Variants in FNDC3B observed in about 807,000 individuals in gnomAD.
FNDC3B encodes fibronectin type III domain containing 3B, also known as fibronectin type III domain-containing protein 3B.
In FNDC3B, 12 loss-of-function variants were observed where a neutral mutation model predicts 151.5. The ratio of observed to expected loss-of-function variants is 0.08; its 90% CI spans 0.05 to 0.13. The LOEUF is 0.13. Among genes scored for constraint, FNDC3B ranks in the 10% least tolerant of loss-of-function variants. FNDC3B has a pLI of 1.00. For synonymous variants in FNDC3B, 528 were observed against 549.0 expected, an observed-to-expected ratio of 0.96 and a Z score of 0.54; for missense variants, 1,214 against 1,505.3, an observed-to-expected ratio of 0.81 and a Z score of 3.20.
chr3:172,217,812 G>A (rs1726068831), intron 3 of FNDC3B, among the ~76,000 whole-genome samples: 1 of 152,060 alleles, frequency 6.6e-6, no homozygotes, highest in South Asian at 2.1e-4. Flanking sequence ...AAACAGCTAA[G>A]TAACAAAACA....
At chr3:172,392,112 C>T (rs1192395168) in intron 25 of FNDC3B, among the ~76,000 whole-genome samples, 1 of 152,148 alleles carries the variant, frequency 6.6e-6, no homozygotes, top group Non-Finnish European at 1.5e-5. Flanking sequence ...GCGGCAGTCA[C>T]CATAACAATG....
intron 3 of FNDC3B, among the ~76,000 whole-genome samples, chr3:172,141,852 A>C (rs1266532918): frequency 6.6e-6 from 1 of 151,102 alleles, no homozygotes; most frequent in Non-Finnish European, 1.5e-5. Context: ...CTGCGTCTCA[A>C]AAAAAAAAAA....
chr3:172,149,236 T>C (rs149820858), intron 3 of FNDC3B, among the ~76,000 whole-genome samples: 7 of 152,358 alleles, frequency 4.6e-5, no homozygotes, highest in East Asian at 3.9e-4. Flanking sequence ...TGAAAAGTCA[T>C]TGGACTTGAA....
intron 6 of FNDC3B, among the ~76,000 whole-genome samples, chr3:172,256,985 C>T (rs912757986): frequency 7.3e-5 from 11 of 151,110 alleles, no homozygotes; most frequent in South Asian, 4.2e-4. Context: ...GGCTGGAGTG[C>T]GGTGGCGCAA....
chr3:172,091,261 G>A (rs957345842), intron 1 of FNDC3B, among the ~76,000 whole-genome samples: 1 of 152,194 alleles, frequency 6.6e-6, no homozygotes, highest in Non-Finnish European at 1.5e-5. Flanking sequence ...ACCTGTCAGT[G>A]CTGTTGAAAG....
At chr3:172,102,872 C>T (rs1381213252) in intron 1 of FNDC3B, among the ~76,000 whole-genome samples, 1 of 152,226 alleles carries the variant, frequency 6.6e-6, no homozygotes, top group African/African-American at 2.4e-5. Flanking sequence ...CACTGTCTTA[C>T]AGAAACACAT....
intron 1 of FNDC3B, among the ~76,000 whole-genome samples, chr3:172,045,371 G>C (rs1716310308): frequency 1.3e-5 from 2 of 152,172 alleles, no homozygotes; most frequent in African/African-American, 4.8e-5. Context: ...AGCTGGGCTA[G>C]TGTTGCTGAA....
At chr3:172,145,230 G>C (rs1721840779) in intron 3 of FNDC3B, among the ~76,000 whole-genome samples, 1 of 152,102 alleles carries the variant, frequency 6.6e-6, no homozygotes, top group South Asian at 2.1e-4. Context: ...GTATGTATTA[G>C]CAGATTATTA....
intron 3 of FNDC3B, among the ~76,000 whole-genome samples, chr3:172,192,992 A>G (rs925766087): frequency 3.9e-5 from 6 of 152,106 alleles, no homozygotes; most frequent in African/African-American, 1.4e-4. Context: ...TTGAAAATTA[A>G]TGATTGTCTT....
At chr3:172,110,577 A>ATCCTTAGGCTC (rs1317826855) in intron 1 of FNDC3B, among the ~76,000 whole-genome samples, 4 of 151,824 alleles carry the variant, frequency 2.6e-5, no homozygotes, top group Non-Finnish European at 4.4e-5. Flanking sequence ...AAGAGGTTCT[A>ATCCTTAGGCTC]TCCTTAGGCT....
intron 6 of FNDC3B, among the ~76,000 whole-genome samples, chr3:172,283,917 T>C (rs1042164571): frequency 1.3e-5 from 2 of 152,092 alleles, no homozygotes; most frequent in African/African-American, 4.8e-5. Flanking sequence ...TGGGTTTTCT[T>C]TTAAAAGGCT....
chr3:172,323,866 G>GTGAGGA (rs1199567581), intron 11 of FNDC3B, among the ~76,000 whole-genome samples: 147 of 152,326 alleles, frequency 9.7e-4, no homozygotes, highest in African/African-American at 3.5e-3. Context: ...TAAAAAGTGA[G>GTGAGGA]TGAGGATGAG....
intron 6 of FNDC3B, among the ~76,000 whole-genome samples, chr3:172,253,865 C>T (rs1305139479): frequency 2.6e-5 from 4 of 151,880 alleles, no homozygotes; most frequent in East Asian, 1.9e-4. Context: ...CTGCAACCTC[C>T]GCCTCCCAGG....
At position 172,391,846 on chromosome 3, in the gene FNDC3B, C is replaced by T. The variant is rs145598938; in HGVS notation, c.3304-5318C>T. On this transcript the variant is annotated intron_variant, in intron 25 of 25. Transcript: ENST00000415807. Reference sequence around the variant, plus strand: ...AGTTGCAAATCATCCCCTTCATGAACGGTTTCCAAGAAAAGCATTCTATAC... The same window carrying T: ...AGTTGCAAATCATCCCCTTCATGAATGGTTTCCAAGAAAAGCATTCTATAC... Among the ~76,000 whole-genome samples, 66 of 152,260 alleles carry T rather than the reference C, an allele frequency of 4.3e-4. 1 individual carries two copies. The East Asian group carries it at 9.6e-3, about 22-fold the overall frequency.
intron 3 of FNDC3B, among the ~76,000 whole-genome samples, chr3:172,199,428 C>T (rs1157969025): frequency 6.6e-6 from 1 of 151,966 alleles, no homozygotes; most frequent in Non-Finnish European, 1.5e-5. Context: ...ATCCGCCCGC[C>T]TCGGCCTCCC....
rs539429237 is a variant in FNDC3B, at chr3:172,297,635, C to T, written c.1002-1093C>T. Among the ~76,000 whole-genome samples, 37 of 152,258 alleles carry T rather than the reference C, an allele frequency of 2.4e-4. No individual in the cohort carries two copies. In the South Asian group the frequency reaches 4.1e-3, roughly 17 times the overall value. On this transcript the variant is annotated intron_variant, in intron 8 of 25. Coordinates refer to ENST00000415807, the MANE Select transcript of FNDC3B (RefSeq NM_022763.4). The stretch of plus-strand genomic sequence containing the variant: ...GATTACAGGTGCCCGCCACCACGCC[C>T]GGCTAATTTTTTGTATTTTTAGTAG...
intron 1 of FNDC3B, among the ~76,000 whole-genome samples, chr3:172,048,379 G>A (rs556495658): frequency 6.6e-5 from 10 of 152,040 alleles, no homozygotes; most frequent in African/African-American, 1.9e-4. Context: ...CTGATTTTTC[G>A]ATCATGGTTT....
At chr3:172,362,898 A>G (rs1576947457) in intron 23 of FNDC3B, 53 bp downstream of exon 23, 3 of 1,369,212 alleles carry the variant, frequency 2.2e-6, no homozygotes, top group Non-Finnish European at 3.1e-6. Context: ...GGCTTGTGGG[A>G]TGAAATCTCA....
intron 25 of FNDC3B, among the ~76,000 whole-genome samples, chr3:172,391,268 C>G (rs970586662): frequency 2.6e-5 from 4 of 152,290 alleles, no homozygotes; most frequent in Admixed American, 2.6e-4. Flanking sequence ...CAGCATATTC[C>G]TTTTGCAGAG....
Sources: allele counts gnomAD v4.1 joint callset (sites outside exome capture counted in the v4.1 genomes callset), GRCh38; gene constraint gnomAD v4.1.1; transcripts MANE v1.5; gene names NCBI Gene and HGNC (gene_info 2026-07-23, HGNC 2026-07-21).